Variants in UBR1 observed in about 807,000 individuals in gnomAD.
UBR1 encodes the protein E3 ubiquitin-protein ligase UBR1.
In UBR1, 102 loss-of-function variants were observed where a neutral mutation model predicts 242.1. The ratio of observed to expected loss-of-function variants is 0.42; its 90% CI spans 0.36 to 0.50. The LOEUF (loss-of-function observed/expected upper bound fraction) is 0.50. UBR1 is among the 20% of genes least tolerant of loss of function. The pLI, the probability that UBR1 is intolerant of heterozygous loss-of-function variation, is 0.01. For synonymous variants in UBR1, 675 were observed against 684.8 expected, an observed-to-expected ratio of 0.99 and a Z score of 0.22; for missense variants, 1,772 against 2,101.8, an observed-to-expected ratio of 0.84 and a Z score of 3.07.
chr15:43,081,417 CAAA>C (rs71108197), intron 3 of UBR1, among the ~76,000 whole-genome samples: 2 of 69,708 alleles, frequency 2.9e-5, no homozygotes, highest in Admixed American at 2.0e-4. Context: ...CACCCCATCT[CAAA>C]AAAAAAAAAA....
At chr15:42,970,292 T>A (rs931953596) in intron 40 of UBR1, among the ~76,000 whole-genome samples, 2 of 152,254 alleles carry the variant, frequency 1.3e-5, no homozygotes, top group Non-Finnish European at 2.9e-5. Context: ...TCTAGCCATA[T>A]GCAGAAAACT....
At chr15:42,973,054 T>C (rs895099310) in intron 39 of UBR1, among the ~76,000 whole-genome samples, 4 of 152,240 alleles carry the variant, frequency 2.6e-5, no homozygotes, top group Admixed American at 6.5e-5. Flanking sequence ...AGGTGTATAG[T>C]GGTATCTCAT....
At position 43,068,089 on chromosome 15, in the gene UBR1, T is replaced by TAAAAAAAAAAAAAAAAAAAAAA; in HGVS notation, c.660-54_660-53insTTTTTTTTTTTTTTTTTTTTTT. 5.1e-6 allele frequency: 4 copies of TAAAAAAAAAAAAAAAAAAAAAA among 787,316 alleles called. No homozygotes were observed. The South Asian group carries it at 6.2e-5, about 12-fold the overall frequency. 48.8% of individuals were successfully genotyped at this position (787,316 alleles called of 1,614,324 possible). ...GATACTACAACAAATAAAGGAAAAG[T>TAAAAAAAAAAAAAAAAAAAAAA]AAAAAAAAAAAAAAAAAAGACAAAA... On this transcript the variant is annotated intron_variant, in intron 5 of 46. Coordinates refer to ENST00000290650, the MANE Select transcript of UBR1 (RefSeq NM_174916.3).
chr15:42,993,591 C>G (rs1017616173), intron 33 of UBR1, among the ~76,000 whole-genome samples: 1 of 152,046 alleles, frequency 6.6e-6, no homozygotes, highest in Middle Eastern at 3.2e-3. Context: ...TGGTCTTGAA[C>G]TCCTGGCCTC....
intron 1 of UBR1, among the ~76,000 whole-genome samples, chr15:43,095,988 G>A (rs1567151645): frequency 6.6e-6 from 1 of 152,124 alleles, no homozygotes; most frequent in Non-Finnish European, 1.5e-5. Flanking sequence ...TATACTAAGA[G>A]TGCAATAGTA....
At chr15:42,997,258 C>A (rs1426411457) in intron 33 of UBR1, among the ~76,000 whole-genome samples, 1 of 152,180 alleles carries the variant, frequency 6.6e-6, no homozygotes, top group African/African-American at 2.4e-5. Context: ...GTCACTGTCT[C>A]CCATGACCCC....
intron 41 of UBR1, among the ~76,000 whole-genome samples, chr15:42,964,255 A>C (rs2141257802): frequency 6.6e-6 from 1 of 152,250 alleles, no homozygotes; most frequent in Admixed American, 6.5e-5. Flanking sequence ...GGATCACCTG[A>C]GGTCGGGAGT....
In UBR1 at chr15:43,102,447, A is replaced by C. The variant is rs551416314; in HGVS notation, c.81+3495T>G. On this transcript the variant is annotated intron_variant, in intron 1 of 46. Transcript: ENST00000290650. ...ACAGAGATATAAATTTGGGAACTGA[A>C]TACATACAAATGGTATTTAAAGTCA... Among the ~76,000 whole-genome samples, 3 of 152,344 alleles carry C rather than the reference A, an allele frequency of 2.0e-5. No homozygotes were observed. The South Asian group carries it at 6.2e-4, about 32-fold the overall frequency.
intron 29 of UBR1, among the ~76,000 whole-genome samples, chr15:43,008,699 G>A (rs761786855): frequency 2.0e-5 from 3 of 152,140 alleles, no homozygotes; most frequent in African/African-American, 4.8e-5. Flanking sequence ...TGCTTTCTCC[G>A]GGTCTGTCCA....
chr15:43,059,183 C>T lies in UBR1; in HGVS notation c.995G>A (p.Arg332Lys), dbSNP rs771591555. 2 of 1,613,846 alleles carry T rather than the reference C, an allele frequency of 1.2e-6. No individual in the cohort carries two copies. Among genetic ancestry groups the T allele is most frequent in the Admixed American group, 1.7e-5 (1 of 60,000 alleles). Residue 332 changes from arginine (R) to lysine (K), a missense_variant, in exon 9 of 47, where the codon AGG (arginine) becomes AAG (lysine). Arg to Lys is a conservative substitution (Grantham distance 26, BLOSUM62 2). Coordinates refer to ENST00000290650, the MANE Select transcript of UBR1 (RefSeq NM_174916.3). ...NKIMSYSSDF[R>K]QIFCQACLRE... ...AAGGCATGCTTGGCAAAAGATCTGCCTAAAGTCACCTACAAACAAAAGAGG... is the reference window on the plus strand; with the variant it reads ...AAGGCATGCTTGGCAAAAGATCTGCTTAAAGTCACCTACAAACAAAAGAGG...
chr15:43,043,108 A>G lies in UBR1; in HGVS notation c.1849+107T>C, dbSNP rs562041658. On this transcript the variant is annotated intron_variant, in intron 15 of 46. Coordinates refer to ENST00000290650, the MANE Select transcript of UBR1 (RefSeq NM_174916.3). ...CTTAACTGCAGTATCTGACCTGAGC[A>G]TGTCTGTACATATTGAGCACAGAAC... 7.0e-5 allele frequency: 87 copies of G among 1,243,042 alleles called. No homozygotes were observed. The African/African-American group carries it at 1.2e-3, about 17-fold the overall frequency. 77.0% of individuals were successfully genotyped at this position (1,243,042 alleles called of 1,614,324 possible).
intron 38 of UBR1, 149 bp downstream of exon 38, chr15:42,977,731 C>T (rs2032311991): frequency 3.2e-6 from 2 of 618,120 alleles, no homozygotes; most frequent in Admixed American, 2.9e-5. Flanking sequence ...CAAATCTGTA[C>T]CTATTTGTAA....
intron 32 of UBR1, among the ~76,000 whole-genome samples, chr15:43,000,850 T>C (rs989040311): frequency 1.3e-5 from 2 of 152,226 alleles, no homozygotes; most frequent in South Asian, 4.1e-4. Context: ...TTATTTATTT[T>C]TGACACAGAG....
At chr15:43,036,058 A>C in intron 19 of UBR1, 120 bp downstream of exon 19, 3 of 821,398 alleles carry the variant, frequency 3.7e-6, no homozygotes, top group Non-Finnish European at 5.9e-6. Context: ...GTGCACATGT[A>C]CCCTAAAACT....
At position 42,966,224 on chromosome 15, in the gene UBR1, G is replaced by C; in HGVS notation, c.4520C>G (p.Pro1507Arg). The stretch of plus-strand genomic sequence containing the variant: ...AAACAATGCAGCACAGCGAAGATAA[G>C]GGGTGATGCCATTCTTCAGTGAGAC... Reference protein sequence around the residue: ...LWVSLKNGITPYLRCAALFFH... With the variant: ...LWVSLKNGITRYLRCAALFFH... The change falls in exon 41 of 47, where the codon CCT (proline) becomes CGT (arginine). Residue 1507 changes from proline (P) to arginine (R), a missense_variant. Pro to Arg is a moderately radical substitution (Grantham distance 103). Coordinates refer to ENST00000290650, the MANE Select transcript of UBR1 (RefSeq NM_174916.3). 2.5e-6 allele frequency: 4 copies of C among 1,614,138 alleles called. No homozygotes were observed. The Admixed American group carries it at 5.0e-5, about 20-fold the overall frequency.
At chr15:43,014,738 GGAAGT>G (rs1391457778) in intron 29 of UBR1, among the ~76,000 whole-genome samples, 2 of 146,464 alleles carry the variant, frequency 1.4e-5, no homozygotes, top group African/African-American at 2.5e-5. Flanking sequence ...ACCCCGTCTG[GGAAGT>G]GAGGACCGTC....
chr15:42,998,289 A>T (rs756183925), intron 32 of UBR1, 24 bp from the exon 33 acceptor site: 1 of 1,584,276 alleles, frequency 6.3e-7, no homozygotes, highest in Admixed American at 1.7e-5. Flanking sequence ...TTTAAAAATT[A>T]TTACAACCAT....
intron 29 of UBR1, among the ~76,000 whole-genome samples, chr15:43,009,706 T>C (rs561163156): frequency 1.3e-5 from 2 of 152,324 alleles, no homozygotes; most frequent in African/African-American, 4.8e-5. Context: ...AGAGCCAGGA[T>C]TTAATCCAGG....
intron 4 of UBR1, among the ~76,000 whole-genome samples, chr15:43,074,033 T>C (rs2033856720): frequency 6.6e-6 from 1 of 152,254 alleles, no homozygotes; most frequent in South Asian, 2.1e-4. Flanking sequence ...GGGCAAGTAC[T>C]TTCTTGTGAA....
Sources: allele counts gnomAD v4.1 joint callset (sites outside exome capture counted in the v4.1 genomes callset), GRCh38; gene constraint gnomAD v4.1.1; transcripts MANE v1.5; gene names NCBI Gene and HGNC (gene_info 2026-07-23, HGNC 2026-07-21).